NR3C2: variants seen among roughly 807,000 people sequenced by gnomAD.
NR3C2 encodes nuclear receptor subfamily 3 group C member 2.
A neutral mutation model predicts 86.4 loss-of-function variants in NR3C2; 15 were observed. The observed-to-expected ratio is 0.17, with a 90% confidence interval of 0.12 to 0.27. The LOEUF (loss-of-function observed/expected upper bound fraction) is 0.27, where lower values mean the gene tolerates loss of function less well. NR3C2 is among the 10% of genes least tolerant of loss of function. The pLI, the probability that NR3C2 is intolerant of heterozygous loss-of-function variation, is 1.00. For missense variants in NR3C2, 960 were observed against 1,195.6 expected (o/e 0.80, Z 2.91); for synonymous variants, 458 against 450.5 (o/e 1.02, Z -0.21).
In NR3C2 at chr4:148,287,749, A is replaced by G. The variant is rs576904338; in HGVS notation, c.1758-27632T>C. On this transcript the variant is annotated intron_variant, in intron 2 of 8. Coordinates refer to ENST00000358102, the MANE Select transcript of NR3C2 (RefSeq NM_000901.5). ...TGAGTGTGTATTGTAAATATTTTTT[A>G]TATATAGTAACTCCTGGACAAGTAT... Among the ~76,000 whole-genome samples, 8 of 152,252 alleles carry G rather than the reference A, an allele frequency of 5.3e-5. No individual in the cohort carries two copies. The East Asian group carries it at 1.5e-3, about 29-fold the overall frequency.
chr4:148,319,944 C>T (rs1044068621), intron 2 of NR3C2, among the ~76,000 whole-genome samples: 18 of 145,490 alleles, frequency 1.2e-4, no homozygotes, highest in African/African-American at 4.5e-4. Flanking sequence ...GAGGGCATCC[C>T]TGTCTTGTGC....
At chr4:148,410,989 AC>A (rs1238619537) in intron 2 of NR3C2, among the ~76,000 whole-genome samples, 3 of 152,180 alleles carry the variant, frequency 2.0e-5, no homozygotes, top group Non-Finnish European at 2.9e-5. Context: ...CAGTACTCCG[AC>A]CTTCAACTCA....
At chr4:148,410,803 A>G (rs1228991347) in intron 2 of NR3C2, among the ~76,000 whole-genome samples, 4 of 152,208 alleles carry the variant, frequency 2.6e-5, no homozygotes, top group Non-Finnish European at 5.9e-5. Flanking sequence ...TAATTGAGGT[A>G]ATAATGCTAT....
rs1730454994 is a variant in NR3C2 at position 148,079,759 on chromosome 4, A to C, written c.*1585T>G. On this transcript the variant is annotated 3_prime_UTR_variant, in exon 9 of 9. Transcript: ENST00000358102. The stretch of plus-strand genomic sequence containing the variant: ...TTTCTCCAAAACTGTTTATGTATAA[A>C]ACTTATTTTTAAAACCTACCTTTTA... The C allele has an allele frequency of 6.6e-6, 1 of 152,614 alleles. No individual in the cohort carries two copies. The highest frequency in any genetic ancestry group is 1.5e-5 in the Non-Finnish European group (1 of 68,048). 9.5% of individuals were successfully genotyped at this position (152,614 alleles called of 1,614,324 possible).
At chr4:148,419,661 G>A (rs1012855783) in intron 2 of NR3C2, among the ~76,000 whole-genome samples, 1 of 152,092 alleles carries the variant, frequency 6.6e-6, no homozygotes, top group African/African-American at 2.4e-5. Flanking sequence ...TGATCAATCT[G>A]CAGTGTACTG....
chr4:148,400,144 T>C (rs1748069360), intron 2 of NR3C2, among the ~76,000 whole-genome samples: 2 of 152,244 alleles, frequency 1.3e-5, no homozygotes, highest in African/African-American at 4.8e-5. Context: ...TGTAGCCCAA[T>C]AGTCTGGGAT....
chr4:148,443,242 AAAAAAAAAAAAAG>A (rs1473322739), upstream of NR3C2, among the ~76,000 whole-genome samples: 2 of 147,770 alleles, frequency 1.4e-5, no homozygotes, highest in African/African-American at 5.0e-5. Flanking sequence ...AAAAAAAAAA[AAAAAAAAAAAAAG>A]AGAGAGAGAG....
At chr4:148,110,796 T>C (rs1392056757) in intron 8 of NR3C2, among the ~76,000 whole-genome samples, 1 of 152,180 alleles carries the variant, frequency 6.6e-6, no homozygotes, top group Admixed American at 6.5e-5. Context: ...GAACTGAAAC[T>C]ACCCTTCCAT....
At chr4:148,204,492 A>G (rs1579009477) in intron 3 of NR3C2, among the ~76,000 whole-genome samples, 3 of 152,204 alleles carry the variant, frequency 2.0e-5, no homozygotes, top group South Asian at 2.1e-4. Context: ...GGGGAGTCCT[A>G]TGAGATTGGT....
intron 4 of NR3C2, among the ~76,000 whole-genome samples, chr4:148,164,276 G>T (rs1734787396): frequency 6.6e-6 from 1 of 152,134 alleles, no homozygotes; most frequent in Admixed American, 6.5e-5. Flanking sequence ...TGACTAGATA[G>T]AAATCAATCT....
At chr4:148,437,030 T>C (rs906633102) in intron 1 of NR3C2, among the ~76,000 whole-genome samples, 168 bp from the exon 2 acceptor site, 1 of 152,212 alleles carries the variant, frequency 6.6e-6, no homozygotes, top group African/African-American at 2.4e-5. Context: ...CATAACAGAG[T>C]ATTGACTACA....
intron 2 of NR3C2, among the ~76,000 whole-genome samples, chr4:148,338,556 A>C (rs867233392): frequency 1.3e-5 from 2 of 152,204 alleles, no homozygotes; most frequent in South Asian, 4.1e-4. Context: ...AAATGATTAT[A>C]GGGGTTATGC....
chr4:148,218,952 T>C (rs1374785307), intron 3 of NR3C2, among the ~76,000 whole-genome samples: 1 of 152,224 alleles, frequency 6.6e-6, no homozygotes, highest in Non-Finnish European at 1.5e-5. Context: ...GGGCATACAT[T>C]TTCATTTTTC....
chr4:148,201,908 C>T (rs1432232820), intron 3 of NR3C2, among the ~76,000 whole-genome samples: 2 of 152,148 alleles, frequency 1.3e-5, no homozygotes, highest in African/African-American at 2.4e-5. Flanking sequence ...AAGCAAGACA[C>T]TGCGGTTCTC....
chr4:148,402,252 T>C (rs1748207933), intron 2 of NR3C2, among the ~76,000 whole-genome samples: 1 of 152,204 alleles, frequency 6.6e-6, no homozygotes, highest in Non-Finnish European at 1.5e-5. Flanking sequence ...CAAATTATGT[T>C]TCAGTAATTA....
intron 3 of NR3C2, among the ~76,000 whole-genome samples, chr4:148,210,410 C>T (rs1026799824): frequency 1.3e-5 from 2 of 152,024 alleles, no homozygotes; most frequent in Non-Finnish European, 2.9e-5. Context: ...GGGCTGGTCT[C>T]GAACTCCAGA....
chr4:148,367,058 T>C lies in NR3C2; in HGVS notation c.1757+68046A>G, dbSNP rs190797415. Among the ~76,000 whole-genome samples the C allele has an allele frequency of 3.3e-5, 5 of 152,320 alleles. No homozygotes were observed. In the East Asian group the frequency reaches 7.7e-4, roughly 23 times the overall value. Reference sequence around the variant, plus strand: ...GCAGAAAGAGGTGTGTTACACTCTATAAACCCAGAACTGCATTTTATCACT... The same window carrying C: ...GCAGAAAGAGGTGTGTTACACTCTACAAACCCAGAACTGCATTTTATCACT... On this transcript the variant is annotated intron_variant, in intron 2 of 8. Transcript: ENST00000358102.
intron 8 of NR3C2, among the ~76,000 whole-genome samples, chr4:148,095,268 C>G (rs1731229498): frequency 6.6e-6 from 1 of 152,262 alleles, no homozygotes; most frequent in Non-Finnish European, 1.5e-5. Context: ...CGCTTGTGCC[C>G]AGATGGGCCC....
chr4:148,328,302 TG>T (rs1212635495), intron 2 of NR3C2, among the ~76,000 whole-genome samples: 1 of 152,142 alleles, frequency 6.6e-6, no homozygotes, highest in Non-Finnish European at 1.5e-5. Context: ...GGAATCAGCA[TG>T]GGAAGAAGGT....
Sources: gnomAD v4.1 joint callset for allele counts (sites outside exome capture counted in the v4.1 genomes callset) on GRCh38, gnomAD v4.1.1 for gene constraint, MANE v1.5 for transcripts, NCBI Gene and HGNC (gene_info 2026-07-23, HGNC 2026-07-21) for gene names.